YLPM1: variants seen among roughly 807,000 people sequenced by gnomAD.
YLPM1 encodes the protein YLP motif containing 1.
YLPM1 carries 99 observed loss-of-function variants against 230.0 expected under a neutral mutation model. The ratio of observed to expected loss-of-function variants is 0.43; its 90% CI spans 0.37 to 0.51. The LOEUF is 0.51. Ranked by LOEUF, YLPM1 falls within the 20% of genes least tolerant of loss-of-function variation. The pLI is 0.00. For synonymous variants in YLPM1, 984 were observed against 942.5 expected (o/e 1.04, Z -0.81); for missense variants, 2,592 against 2,707.7 (o/e 0.96, Z 0.95).
intron 4 of YLPM1, among the ~76,000 whole-genome samples, chr14:74,795,366 A>G (rs114255238): frequency 0.029 from 4,450 of 152,286 alleles, 151 homozygotes; most frequent in African/African-American, 0.079. Context: ...GGGATAGGAA[A>G]TAAATATTTT....
At chr14:74,783,979 G>A (rs1216947303) in intron 4 of YLPM1, among the ~76,000 whole-genome samples, 1 of 152,082 alleles carries the variant, frequency 6.6e-6, no homozygotes, top group African/African-American at 2.4e-5. Context: ...GAGTCTAGAG[G>A]GTCCCCAAAG....
intron 19 of YLPM1, among the ~76,000 whole-genome samples, chr14:74,831,366 C>T (rs1486698963): frequency 6.6e-6 from 1 of 152,134 alleles, no homozygotes; most frequent in Admixed American, 6.5e-5. Context: ...CCATTTGCAC[C>T]CAGCCTCACC....
chr14:74,769,587 A>ATT (rs34503309), intron 1 of YLPM1, among the ~76,000 whole-genome samples: 6 of 147,686 alleles, frequency 4.1e-5, no homozygotes, highest in African/African-American at 9.9e-5. Flanking sequence ...GTGCCCGGCC[A>ATT]TTTTTTTTTG....
chr14:74,773,776 A>G (rs1376468636), intron 1 of YLPM1, among the ~76,000 whole-genome samples: 6 of 128,360 alleles, frequency 4.7e-5, no homozygotes, highest in Non-Finnish European at 9.3e-5. Flanking sequence ...GCTGGAGTGC[A>G]ATGGCACGAT....
intron 1 of YLPM1, among the ~76,000 whole-genome samples, chr14:74,775,367 A>T (rs372898857): frequency 3.3e-5 from 5 of 152,180 alleles, no homozygotes; most frequent in Non-Finnish European, 2.9e-5. Flanking sequence ...GTAACAAATC[A>T]GTATGTTTGG....
chr14:74,801,565 G>T (rs962958067), intron 5 of YLPM1, among the ~76,000 whole-genome samples: 3 of 152,214 alleles, frequency 2.0e-5, no homozygotes, highest in Admixed American at 6.5e-5. Context: ...TAGACTGACA[G>T]TTGTTCTCAC....
intron 2 of YLPM1, 57 bp from the exon 3 acceptor site, chr14:74,780,348 A>G (rs547455864): frequency 2.3e-4 from 356 of 1,543,064 alleles, no homozygotes; most frequent in South Asian, 9.9e-4. Flanking sequence ...CATTTATAAA[A>G]TATTTTTGCT....
chr14:74,810,267 G>C lies in YLPM1; in HGVS notation c.5075G>C (p.Arg1692Pro), dbSNP rs772044414. The change falls in exon 9 of 21, where the codon CGT becomes CCT. Residue 1692 changes from arginine to proline, a missense_variant. Physicochemically the swap from Arg to Pro is moderately radical, Grantham distance 103 (BLOSUM62 -2). Coordinates refer to ENST00000325680, the MANE Select transcript of YLPM1 (RefSeq NM_019589.3). The stretch of plus-strand genomic sequence containing the variant: ...GATCGTTATGATAGAGAAAGAGATC[G>C]TGAGCCTTATTTTGATCGTCAAAGT... ...QRDRYDRERD[R>P]EPYFDRQSNV... is the part of the protein sequence containing the mutation. The C allele has an allele frequency of 1.2e-6, 2 of 1,613,726 alleles. No individual in the cohort carries two copies. The highest frequency in any genetic ancestry group is 1.7e-6 in the Non-Finnish European group (2 of 1,179,836).
At chr14:74,787,543 CAG>C (rs994256479) in intron 4 of YLPM1, among the ~76,000 whole-genome samples, 2 of 150,096 alleles carry the variant, frequency 1.3e-5, no homozygotes, top group African/African-American at 4.9e-5. Flanking sequence ...GCCTGGGCGA[CAG>C]AGTGACAGAG....
At chr14:74,792,766 T>A (rs897634482) in intron 4 of YLPM1, among the ~76,000 whole-genome samples, 3 of 152,254 alleles carry the variant, frequency 2.0e-5, no homozygotes, top group African/African-American at 7.2e-5. Context: ...GGGTGTTAAC[T>A]ACAGCATTCC....
chr14:74,821,440 G>A, intron 17 of YLPM1: 1 of 205,296 alleles, frequency 4.9e-6, no homozygotes. Context: ...ATATGAAAGG[G>A]CATTCTTACA....
intron 1 of YLPM1, among the ~76,000 whole-genome samples, chr14:74,764,726 T>A (rs2090894140): frequency 6.6e-6 from 1 of 152,220 alleles, no homozygotes; most frequent in Non-Finnish European, 1.5e-5. Context: ...AGTTTCCATT[T>A]GAGAGAAAGC....
chr14:74,806,185 C>T (rs185195783), intron 6 of YLPM1, among the ~76,000 whole-genome samples: 46 of 151,650 alleles, frequency 3.0e-4, no homozygotes, highest in African/African-American at 9.4e-4. Context: ...GGTGAAACCC[C>T]GTCTCTACTA....
rs867388462 is a variant in YLPM1 at position 74,776,785 on chromosome 14, G to A, written c.874-1662G>A. Among the ~76,000 whole-genome samples, 9 of 152,196 alleles carry A rather than the reference G, an allele frequency of 5.9e-5. No individual in the cohort carries two copies. The Middle Eastern group carries it at 0.01, about 173-fold the overall frequency. On this transcript the variant is annotated intron_variant, in intron 1 of 20. Transcript: ENST00000325680. ...TGGGTTTAGAAATAAATTTTAGGTC[G>A]GGTGTGGTGGCTCATGCCTGTAATC...
intron 17 of YLPM1, among the ~76,000 whole-genome samples, chr14:74,823,609 G>A (rs2091540365): frequency 6.6e-6 from 1 of 152,042 alleles, no homozygotes. Context: ...AAAAACATCA[G>A]AAATAATAAT....
chr14:74,772,599 C>T (rs1022495328), intron 1 of YLPM1, among the ~76,000 whole-genome samples: 1 of 152,042 alleles, frequency 6.6e-6, no homozygotes, highest in Non-Finnish European at 1.5e-5. Context: ...CCTTGTGATC[C>T]GCCCGCCTTG....
intron 3 of YLPM1, 41 bp from the exon 4 acceptor site, chr14:74,781,293 A>T (rs747697051): frequency 7.2e-5 from 106 of 1,471,014 alleles, no homozygotes; most frequent in Non-Finnish European, 9.2e-5. Flanking sequence ...TAATTATCTT[A>T]TATGAATGGT....
chr14:74,812,518 A>G, intron 10 of YLPM1, 110 bp from the exon 11 acceptor site: 1 of 1,168,700 alleles, frequency 8.6e-7, no homozygotes, highest in East Asian at 2.9e-5. Flanking sequence ...AGTGGCCCCA[A>G]AATCACTGGA....
At chr14:74,806,341 A>G (rs1317170882) in intron 6 of YLPM1, among the ~76,000 whole-genome samples, 2 of 151,248 alleles carry the variant, frequency 1.3e-5, no homozygotes, top group Non-Finnish European at 2.9e-5. Flanking sequence ...TGGGTGACAG[A>G]TCAAGACTCT....
Sources: gnomAD v4.1 joint callset for allele counts (sites outside exome capture counted in the v4.1 genomes callset) on GRCh38, gnomAD v4.1.1 for gene constraint, MANE v1.5 for transcripts, NCBI Gene and HGNC (gene_info 2026-07-23, HGNC 2026-07-21) for gene names.